LRIG1: variants seen among roughly 807,000 people sequenced by gnomAD.
The protein encoded by LRIG1 is leucine-rich repeats and immunoglobulin-like domains protein 1.
In LRIG1, 48 loss-of-function variants were observed where a neutral mutation model predicts 99.2. That is an observed-to-expected ratio of 0.48 (90% CI 0.38 to 0.62). The LOEUF (loss-of-function observed/expected upper bound fraction) is 0.62. Ranked by LOEUF, LRIG1 falls within the 20% of genes least tolerant of loss-of-function variation. LRIG1 has a pLI of 0.00. For synonymous variants in LRIG1, 772 were observed against 596.1 expected (o/e 1.29, Z -4.30); for missense variants, 1,646 against 1,434.4 (o/e 1.15, Z -2.38).
At chr3:66,453,839 C>T (rs1218222529) in intron 2 of LRIG1, among the ~76,000 whole-genome samples, 1 of 152,222 alleles carries the variant, frequency 6.6e-6, no homozygotes, top group Admixed American at 6.5e-5. Flanking sequence ...AGCGTATGGA[C>T]TTCTCTGCAG....
At chr3:66,437,650 C>T (rs775532145) in intron 3 of LRIG1, among the ~76,000 whole-genome samples, 2 of 152,190 alleles carry the variant, frequency 1.3e-5, no homozygotes, top group Admixed American at 1.3e-4. Flanking sequence ...GACCCTTCCA[C>T]TTGGTCCCTC....
rs201563038 is a variant in LRIG1, at chr3:66,382,285, T to C, written c.2605A>G (p.Ile869Val). The change falls in exon 16 of 19, where the codon ATT becomes GTT. Residue 869 changes from isoleucine to valine, a missense_variant. By Grantham distance (29) the Ile-to-Val change is conservative. Transcript: ENST00000273261. ...ACTGAGGCCTTACCATTGCTCTCAA[T>C]GTGCCCATTGGCCTGAGGGCCACCC... ...TEGGPQANGH[I>V]ESNGVCPRDA... 1.5e-5 allele frequency: 25 copies of C among 1,614,208 alleles called. No individual in the cohort carries two copies. Among genetic ancestry groups the C allele is most frequent in the Middle Eastern group, 3.3e-4 (2 of 6,062 alleles).
intron 3 of LRIG1, among the ~76,000 whole-genome samples, chr3:66,439,229 T>C (rs1327809451): frequency 6.6e-6 from 1 of 152,254 alleles, no homozygotes; most frequent in Non-Finnish European, 1.5e-5. Flanking sequence ...CCATGCTGGC[T>C]TTCTCAACAC....
rs1257475153 is a variant in LRIG1 at position 66,500,598 on chromosome 3, A to T, written c.-191T>A. The T allele has an allele frequency of 8.5e-6, 3 of 352,810 alleles. No homozygotes were observed. Among genetic ancestry groups the T allele is most frequent in the Non-Finnish European group, 1.5e-5 (3 of 198,810 alleles). The allele number at this position is 352,810 out of a possible 1,614,324, so 21.9% of individuals were successfully genotyped here. ...GCCCCCGGTGCCCGGGCCGCTCCGG[A>T]GCACCCGGCGGGGGCCGCAAACCCC... On this transcript the variant is annotated 5_prime_UTR_variant, in exon 1 of 19. Transcript: ENST00000273261.
At chr3:66,493,171 G>A (rs1185176106) in intron 1 of LRIG1, among the ~76,000 whole-genome samples, 4 of 152,152 alleles carry the variant, frequency 2.6e-5, no homozygotes, top group Admixed American at 2.0e-4. Context: ...CTGTTTGGAA[G>A]AGCACACCTG....
At position 66,455,164 on chromosome 3, in the gene LRIG1, C is replaced by T. The variant is rs113907470; in HGVS notation, c.291-3531G>A. Among the ~76,000 whole-genome samples the T allele has an allele frequency of 3.7e-3, 564 of 152,250 alleles. 2 individuals carry two copies. Among genetic ancestry groups the T allele is most frequent in the African/African-American group, 0.013 (534 of 41,532 alleles). ...TTCGTCATGTTGGCCAGGCTGGTCT[C>T]GAACTCCTGACCTCAGGTGATCCGC... On this transcript the variant is annotated intron_variant, in intron 2 of 18. Coordinates refer to ENST00000273261, the MANE Select transcript of LRIG1 (RefSeq NM_015541.3).
At chr3:66,460,943 C>A (rs1037291594) in intron 2 of LRIG1, among the ~76,000 whole-genome samples, 2 of 152,152 alleles carry the variant, frequency 1.3e-5, no homozygotes, top group African/African-American at 4.8e-5. Context: ...GTTTGGAATG[C>A]AAGTATTTTG....
intron 2 of LRIG1, among the ~76,000 whole-genome samples, chr3:66,453,908 C>T (rs553069397): frequency 1.4e-4 from 21 of 152,348 alleles, no homozygotes; most frequent in African/African-American, 5.1e-4. Flanking sequence ...TGACAAACTG[C>T]TCCACCCAAT....
At chr3:66,430,121 T>C (rs1381156065) in intron 3 of LRIG1, among the ~76,000 whole-genome samples, 1 of 151,884 alleles carries the variant, frequency 6.6e-6, no homozygotes, top group Non-Finnish European at 1.5e-5. Context: ...ATGTCTTACA[T>C]TCACCACAAC....
At chr3:66,394,313 G>T in intron 11 of LRIG1, 110 bp from the exon 12 acceptor site, 1 of 915,298 alleles carries the variant, frequency 1.1e-6, no homozygotes, top group Non-Finnish European at 1.6e-6. Flanking sequence ...GTGAACATCA[G>T]CAAGCTGGAA....
chr3:66,482,619 T>C (rs1236086883), intron 1 of LRIG1, among the ~76,000 whole-genome samples: 1 of 152,172 alleles, frequency 6.6e-6, no homozygotes, highest in Non-Finnish European at 1.5e-5. Flanking sequence ...ATATTAAGAA[T>C]CTGCATATCC....
At chr3:66,483,416 T>C (rs915463365) in intron 1 of LRIG1, among the ~76,000 whole-genome samples, 1 of 152,258 alleles carries the variant, frequency 6.6e-6, no homozygotes, top group Non-Finnish European at 1.5e-5. Context: ...TAGAAGCTTC[T>C]ATCAATTTAC....
At chr3:66,492,656 ACC>A (rs1419291561) in intron 1 of LRIG1, among the ~76,000 whole-genome samples, 4 of 152,180 alleles carry the variant, frequency 2.6e-5, no homozygotes, top group African/African-American at 9.7e-5. Flanking sequence ...CTTTCTTTAA[ACC>A]CTCTAAATGT....
chr3:66,396,361 C>T (rs1390012710), intron 11 of LRIG1, among the ~76,000 whole-genome samples: 3 of 152,216 alleles, frequency 2.0e-5, no homozygotes. Context: ...TGCTGCCATC[C>T]CAGGGCTTTG....
chr3:66,430,544 G>C (rs117813862), intron 3 of LRIG1, among the ~76,000 whole-genome samples: 1 of 152,148 alleles, frequency 6.6e-6, no homozygotes, highest in Non-Finnish European at 1.5e-5. Flanking sequence ...GGAGTTCCAC[G>C]TGGACACTGC....
intron 1 of LRIG1, among the ~76,000 whole-genome samples, chr3:66,479,767 T>C (rs1700805651): frequency 1.3e-5 from 2 of 152,206 alleles, no homozygotes; most frequent in Non-Finnish European, 2.9e-5. Flanking sequence ...CCCACTAGGA[T>C]GGCTAAAATT....
At chr3:66,384,379 T>A in intron 13 of LRIG1, 107 bp from the exon 14 acceptor site, 1 of 1,223,444 alleles carries the variant, frequency 8.2e-7, no homozygotes, top group Non-Finnish European at 1.2e-6. Context: ...CCAGTTCACT[T>A]CTTTTCTCCC....
chr3:66,397,927 T>C (rs1701918576), intron 11 of LRIG1, among the ~76,000 whole-genome samples, 185 bp downstream of exon 11: 1 of 152,256 alleles, frequency 6.6e-6, no homozygotes, highest in South Asian at 2.1e-4. Flanking sequence ...GCTTATGTAA[T>C]GTCTATGGCT....
chr3:66,428,128 T>C (rs929903145), intron 3 of LRIG1, among the ~76,000 whole-genome samples: 1 of 152,230 alleles, frequency 6.6e-6, no homozygotes, highest in African/African-American at 2.4e-5. Flanking sequence ...TTCTGGTGCA[T>C]GTCTGCATGC....
Sources: gnomAD v4.1 joint callset for allele counts (sites outside exome capture counted in the v4.1 genomes callset) on GRCh38, gnomAD v4.1.1 for gene constraint, MANE v1.5 for transcripts, NCBI Gene and HGNC (gene_info 2026-07-23, HGNC 2026-07-21) for gene names.